SNTG1: variants seen among roughly 807,000 people sequenced by gnomAD.
SNTG1 encodes the protein gamma-1-syntrophin.
In SNTG1, 39 loss-of-function variants were observed where a neutral mutation model predicts 74.7. That is an observed-to-expected ratio of 0.52 (90% CI 0.40 to 0.68). SNTG1 has a LOEUF of 0.68. Among genes scored for constraint, SNTG1 ranks in the 30% least tolerant of loss-of-function variants. SNTG1 has a pLI of 0.00. For synonymous variants in SNTG1, 254 were observed against 217.1 expected (o/e 1.17, Z -1.49); for missense variants, 685 against 609.5 (o/e 1.12, Z -1.30).
chr8:50,050,197 C>G (rs1280192265), intron 1 of SNTG1, among the ~76,000 whole-genome samples: 1 of 151,526 alleles, frequency 6.6e-6, no homozygotes, highest in Non-Finnish European at 1.5e-5. Flanking sequence ...AATCAAAACA[C>G]CCTTAGCGAG....
rs554615898 is a variant in SNTG1 at position 50,074,893 on chromosome 8, G to A, written c.-102-97668G>A. On this transcript the variant is annotated intron_variant, in intron 1 of 18. Transcript: ENST00000642720. The stretch of plus-strand genomic sequence containing the variant: ...CCTGAGGGAACCGGGGCTGTGCCCC[G>A]GCCGCACTCGCGGCGCACGCGAGTT... Among the ~76,000 whole-genome samples the A allele has an allele frequency of 3.4e-3, 516 of 152,276 alleles. 1 individual carries two copies. The highest frequency in any genetic ancestry group is 4.0e-3 in the Admixed American group (62 of 15,310).
At chr8:49,948,595 G>T (rs1809417233) in intron 1 of SNTG1, among the ~76,000 whole-genome samples, 1 of 152,132 alleles carries the variant, frequency 6.6e-6, no homozygotes, top group Non-Finnish European at 1.5e-5. Context: ...TGAAAATTAT[G>T]TTCCTGGACT....
At chr8:50,165,343 C>A (rs1032185552) in intron 1 of SNTG1, among the ~76,000 whole-genome samples, 55 of 152,160 alleles carry the variant, frequency 3.6e-4, no homozygotes, top group African/African-American at 1.3e-3. Context: ...GAGGCTTTAG[C>A]AAACTGATGT....
intron 2 of SNTG1, among the ~76,000 whole-genome samples, chr8:50,315,945 CTT>C (rs907593006): frequency 2.6e-4 from 39 of 152,192 alleles, no homozygotes; most frequent in African/African-American, 9.1e-4. Context: ...TGTGAGAAGA[CTT>C]CACTCAAAAA....
rs1410255102 is a variant in SNTG1 at position 50,536,865 on chromosome 8, G to GA, written c.680+61dup. The GA allele has an allele frequency of 1.3e-5, 21 of 1,598,048 alleles. No individual in the cohort carries two copies. The Admixed American group carries it at 3.6e-4, about 28-fold the overall frequency. The stretch of plus-strand genomic sequence containing the variant: ...TGTTTATGAAAAAAGAGACCTTTTA[G>GA]AAAACCTTTTGACATATCACAATAC... On this transcript the variant is annotated intron_variant, in intron 11 of 18. Coordinates refer to ENST00000642720, the MANE Select transcript of SNTG1 (RefSeq NM_018967.5).
chr8:50,620,527 G>A (rs1287141327), intron 13 of SNTG1, among the ~76,000 whole-genome samples: 3 of 152,190 alleles, frequency 2.0e-5, no homozygotes, highest in Non-Finnish European at 4.4e-5. Flanking sequence ...TGATGTAGGA[G>A]TGAAGAGCAC....
rs560806738 is a variant in SNTG1, at chr8:50,340,659, A to G, written c.-27-53553A>G. 2.7e-3 allele frequency among the ~76,000 whole-genome samples: 406 copies of G among 152,096 alleles called. 3 individuals are homozygous for G. Among genetic ancestry groups the G allele is most frequent in the African/African-American group, 9.3e-3 (388 of 41,560 alleles). ...ATGGCAGAATATCTAGATGAACTTA[A>G]GTTTGGCAATGAGTTTATGGATACA... On this transcript the variant is annotated intron_variant, in intron 2 of 18. Coordinates refer to ENST00000642720, the MANE Select transcript of SNTG1 (RefSeq NM_018967.5).
chr8:50,645,592 A>G (rs1231768602), intron 13 of SNTG1, among the ~76,000 whole-genome samples: 1 of 152,114 alleles, frequency 6.6e-6, no homozygotes. Context: ...TAGGGATATT[A>G]TCTTCCTCCA....
At chr8:50,264,285 G>T (rs111510721) in intron 2 of SNTG1, among the ~76,000 whole-genome samples, 1 of 152,144 alleles carries the variant, frequency 6.6e-6, no homozygotes, top group African/African-American at 2.4e-5. Context: ...ACCAGAAAAT[G>T]CACTGGGTGC....
At chr8:50,111,097 G>A (rs1454943604) in intron 1 of SNTG1, among the ~76,000 whole-genome samples, 3 of 152,030 alleles carry the variant, frequency 2.0e-5, no homozygotes, top group Non-Finnish European at 2.9e-5. Flanking sequence ...ATCCCAGGAA[G>A]ATTTACAACT....
In SNTG1 at chr8:50,620,813, T is replaced by G. The variant is rs181376526; in HGVS notation, c.849+29896T>G. On this transcript the variant is annotated intron_variant, in intron 13 of 18. Transcript: ENST00000642720. ...GACTTCTAGATAGAAGTCACCAGCT[T>G]GGGAAAGAAGTATAAGAAGGGTGGA... Among the ~76,000 whole-genome samples the G allele has an allele frequency of 5.4e-3, 815 of 152,144 alleles. 13 individuals carry two copies. The highest frequency in any genetic ancestry group is 0.018 in the African/African-American group (749 of 41,504).
intron 8 of SNTG1, among the ~76,000 whole-genome samples, chr8:50,481,626 C>G (rs1563449249): frequency 6.6e-6 from 1 of 152,106 alleles, no homozygotes; most frequent in Non-Finnish European, 1.5e-5. Context: ...ATTTTAAGGA[C>G]AAGAGGACTG....
intron 17 of SNTG1, among the ~76,000 whole-genome samples, chr8:50,748,464 T>C (rs72645819): frequency 0.11 from 16,257 of 152,066 alleles, 1,032 homozygotes; most frequent in African/African-American, 0.17. Flanking sequence ...ATTCAGGATA[T>C]GTTTAACTAT....
chr8:49,943,342 G>A (rs1328571972), intron 1 of SNTG1, among the ~76,000 whole-genome samples: 2 of 152,184 alleles, frequency 1.3e-5, no homozygotes, highest in African/African-American at 4.8e-5. Context: ...GGTGCTTGCA[G>A]TATAAAGATG....
chr8:50,609,554 C>A (rs963211881), intron 13 of SNTG1, among the ~76,000 whole-genome samples: 2 of 151,948 alleles, frequency 1.3e-5, no homozygotes, highest in Non-Finnish European at 2.9e-5. Flanking sequence ...TTTCTTGAAT[C>A]TCCAGATTAA....
At chr8:50,677,054 G>A (rs1342370298) in intron 15 of SNTG1, among the ~76,000 whole-genome samples, 3 of 151,402 alleles carry the variant, frequency 2.0e-5, no homozygotes, top group Non-Finnish European at 4.4e-5. Context: ...ATATTTTTGG[G>A]GTATTATTTC....
intron 1 of SNTG1, among the ~76,000 whole-genome samples, chr8:49,975,919 G>A (rs1812153571): frequency 6.6e-6 from 1 of 151,970 alleles, no homozygotes; most frequent in African/African-American, 2.4e-5. Flanking sequence ...TTTTCATGTT[G>A]GTGGTGAATT....
chr8:50,078,336 T>C lies in SNTG1; in HGVS notation c.-102-94225T>C, dbSNP rs151039237. 3.9e-4 allele frequency among the ~76,000 whole-genome samples: 60 copies of C among 152,284 alleles called. No individual in the cohort carries two copies. The East Asian group carries it at 8.9e-3, about 23-fold the overall frequency. On this transcript the variant is annotated intron_variant, in intron 1 of 18. Coordinates refer to ENST00000642720, the MANE Select transcript of SNTG1 (RefSeq NM_018967.5). ...CAGTTAGGCTTTTATAGAGATTCCA[T>C]TGAATCTATATATACATTTGCAGAG... is the stretch of plus-strand genomic sequence containing the variant.
At chr8:50,266,646 A>G (rs4437665) in intron 2 of SNTG1, among the ~76,000 whole-genome samples, 10,049 of 69,286 alleles carry the variant, frequency 0.15, 573 homozygotes, top group East Asian at 0.39. Context: ...ACACAGAATT[A>G]TGTGTGTGTG....
Sources: allele counts gnomAD v4.1 joint callset (sites outside exome capture counted in the v4.1 genomes callset), GRCh38; gene constraint gnomAD v4.1.1; transcripts MANE v1.5; gene names NCBI Gene and HGNC (gene_info 2026-07-23, HGNC 2026-07-21).